MANEA: variants seen among roughly 807,000 people sequenced by gnomAD.
MANEA encodes the protein glycoprotein endo-alpha-1,2-mannosidase.
MANEA carries 25 observed loss-of-function variants against 36.8 expected under a neutral mutation model. The observed-to-expected ratio is 0.68, with a 90% CI of 0.50 to 0.95. The LOEUF is 0.95. Ranked by LOEUF, MANEA falls within the 40% of genes least tolerant of loss-of-function variation. MANEA has a pLI of 0.00. For synonymous variants in MANEA, 198 were observed against 188.5 expected (o/e 1.05, Z -0.41); for missense variants, 565 against 558.8 (o/e 1.01, Z -0.11).
At chr6:95,605,714 A>G in intron 4 of MANEA, 34 bp from the exon 5 acceptor site, 1 of 1,459,388 alleles carries the variant, frequency 6.9e-7, no homozygotes, top group Non-Finnish European at 9.5e-7. Flanking sequence ...AGTTGTGAAT[A>G]TTCATTTCAC....
intron 2 of MANEA, 46 bp downstream of exon 2, chr6:95,587,029 G>T: frequency 9.2e-7 from 1 of 1,091,230 alleles, no homozygotes; most frequent in East Asian, 2.5e-5. Flanking sequence ...CTGTATATAT[G>T]CATATAAATG....
intron 1 of MANEA, among the ~76,000 whole-genome samples, chr6:95,578,546 CTT>C (rs1413589005): frequency 1.3e-5 from 2 of 152,082 alleles, no homozygotes; most frequent in African/African-American, 4.8e-5. Context: ...TTGCAAATCA[CTT>C]TCATGACAAT....
At chr6:95,590,981 C>T (rs1469839088) in intron 2 of MANEA, among the ~76,000 whole-genome samples, 2 of 152,138 alleles carry the variant, frequency 1.3e-5, no homozygotes, top group African/African-American at 4.8e-5. Flanking sequence ...TCTTTGCAAC[C>T]ACTCAGCTCT....
At chr6:95,582,206 C>T (rs1253870768) in intron 1 of MANEA, among the ~76,000 whole-genome samples, 5 of 98,738 alleles carry the variant, frequency 5.1e-5, no homozygotes, top group South Asian at 7.0e-4. Context: ...TTTTTTGAGA[C>T]GGAGTCTTGC....
intron 3 of MANEA, among the ~76,000 whole-genome samples, chr6:95,602,576 G>A (rs182568166): frequency 6.6e-6 from 1 of 152,096 alleles, no homozygotes; most frequent in East Asian, 1.9e-4. Flanking sequence ...TGAAATGAGG[G>A]AATGTTTATA....
In MANEA at chr6:95,606,073, A is replaced by T. The variant is rs1243718522; in HGVS notation, c.1057A>T (p.Ile353Phe). ...LFCDKYNLIF[I>F]PSVGPGYIDT... is the part of the protein sequence containing the mutation. The stretch of plus-strand genomic sequence containing the variant: ...TTGTGATAAATACAACTTAATATTT[A>T]TCCCAAGTGTGGGCCCAGGATACAT... The change falls in exon 5 of 5, where the codon ATC becomes TTC. Residue 353 changes from isoleucine to phenylalanine, a missense_variant. Physicochemically the swap from Ile to Phe is conservative, Grantham distance 21 (BLOSUM62 0). Transcript: ENST00000358812. The T allele has an allele frequency of 6.2e-7, 1 of 1,613,944 alleles. No individual in the cohort carries two copies. Among genetic ancestry groups the T allele is most frequent in the East Asian group, 2.2e-5 (1 of 44,890 alleles).
intron 2 of MANEA, among the ~76,000 whole-genome samples, chr6:95,595,452 TA>T (rs1395267655): frequency 6.6e-6 from 1 of 152,162 alleles, no homozygotes; most frequent in Non-Finnish European, 1.5e-5. Flanking sequence ...TCAGAGTGGA[TA>T]GGGGACATAA....
intron 3 of MANEA, among the ~76,000 whole-genome samples, chr6:95,598,351 A>G (rs1769519933): frequency 1.3e-5 from 2 of 152,126 alleles, no homozygotes; most frequent in African/African-American, 4.8e-5. Flanking sequence ...AGGGTCTCTG[A>G]AGGAGGTTAC....
chr6:95,580,358 T>A (rs1454023671), intron 1 of MANEA, among the ~76,000 whole-genome samples: 25 of 152,022 alleles, frequency 1.6e-4, no homozygotes, highest in Admixed American at 1.6e-3. Context: ...AGATAAAGAC[T>A]CCATTTCTGA....
Position 95,586,496 on chromosome 6 carries a change from T to G in MANEA, c.57T>G (p.Ile19Met). 1 of 1,613,666 alleles carries G rather than the reference T, an allele frequency of 6.2e-7. No homozygotes were observed. Among genetic ancestry groups the G allele is most frequent in the Non-Finnish European group, 8.5e-7 (1 of 1,179,886 alleles). ...CIILALFILF[I>M]FSLMMGLKML... ...TTTTGGCACTTTTTATTCTATTTAT[T>G]TTCTCTCTGATGATGGGTTTAAAAA... Residue 19 changes from isoleucine (I) to methionine (M), a missense_variant, in exon 2 of 5, where the codon ATT becomes ATG. Transcript: ENST00000358812.
chr6:95,585,688 A>AT (rs1315950391), intron 1 of MANEA, among the ~76,000 whole-genome samples: 1 of 152,128 alleles, frequency 6.6e-6, no homozygotes, highest in Non-Finnish European at 1.5e-5. Flanking sequence ...CATTTAAAAA[A>AT]TTTTGTCTGA....
chr6:95,589,311 G>T (rs1387600790), intron 2 of MANEA, among the ~76,000 whole-genome samples: 2 of 152,092 alleles, frequency 1.3e-5, no homozygotes, highest in Non-Finnish European at 2.9e-5. Flanking sequence ...TTAAATTGTT[G>T]TATGGTTGAC....
chr6:95,596,419 G>A (rs184302235), intron 2 of MANEA, among the ~76,000 whole-genome samples: 1 of 152,220 alleles, frequency 6.6e-6, no homozygotes, highest in East Asian at 1.9e-4. Flanking sequence ...AGGAGAAACC[G>A]TGTGGAGGGT....
At chr6:95,598,475 CTG>C (rs1449667152) in intron 3 of MANEA, among the ~76,000 whole-genome samples, 1 of 152,118 alleles carries the variant, frequency 6.6e-6, no homozygotes, top group Non-Finnish European at 1.5e-5. Context: ...ACTGGAGACT[CTG>C]TACTTCTATA....
chr6:95,601,270 AT>A (rs1475925374), intron 3 of MANEA, among the ~76,000 whole-genome samples: 3 of 152,266 alleles, frequency 2.0e-5, no homozygotes, highest in East Asian at 1.9e-4. Flanking sequence ...CAACGGAACA[AT>A]TTTTTGAGTA....
Position 95,604,061 on chromosome 6 carries a change from G to GGGGTGTGTGTGT in MANEA, c.655-765_655-764insGGTGTGTGTGTG, listed in dbSNP as rs369467389. 3.5e-3 allele frequency among the ~76,000 whole-genome samples: 485 copies of GGGGTGTGTGTGT among 138,386 alleles called. 1 individual carries two copies. The highest frequency in any genetic ancestry group is 7.2e-3 in the African/African-American group (268 of 37,308). 90.8% of individuals were successfully genotyped at this position (138,386 alleles called of 152,430 possible). A position where few individuals can be genotyped will look rare whatever the true frequency, so the allele number is the denominator to read the frequency against. On this transcript the variant is annotated intron_variant, in intron 3 of 4. Transcript: ENST00000358812. Reference sequence around the variant, plus strand: ...GTATGTGTGCGTATATATGTATGTAGGTGTGTGTGTGTGTGTGTGTGTGTG... The same window carrying GGGGTGTGTGTGT: ...GTATGTGTGCGTATATATGTATGTAGGGGTGTGTGTGTGTGTGTGTGTGTGTGTGTGTGTGTG...
At chr6:95,589,967 G>A (rs1332910085) in intron 2 of MANEA, 2 of 152,116 alleles carry the variant, frequency 1.3e-5, no homozygotes, top group Non-Finnish European at 2.9e-5. Context: ...AGGGATGCAC[G>A]AGAGACTCGA....
chr6:95,582,578 T>C (rs1382303953), intron 1 of MANEA, among the ~76,000 whole-genome samples: 1 of 152,194 alleles, frequency 6.6e-6, no homozygotes, highest in East Asian at 1.9e-4. Context: ...TGAAAGACTT[T>C]GTGACTTAGC....
intron 2 of MANEA, among the ~76,000 whole-genome samples, chr6:95,589,485 CTAA>C (rs1769344187): frequency 1.3e-5 from 2 of 152,012 alleles, no homozygotes; most frequent in Non-Finnish European, 2.9e-5. Context: ...GGCATAAATC[CTAA>C]TGGCTCAACC....
Sources: allele counts gnomAD v4.1 joint callset (sites outside exome capture counted in the v4.1 genomes callset), GRCh38; gene constraint gnomAD v4.1.1; transcripts MANE v1.5; gene names NCBI Gene and HGNC (gene_info 2026-07-23, HGNC 2026-07-21).